TSPEAR: variants seen among roughly 807,000 people sequenced by gnomAD.
The protein encoded by TSPEAR is thrombospondin-type laminin G domain and EAR repeat-containing protein.
A neutral mutation model predicts 71.6 loss-of-function variants in TSPEAR; 69 were observed. That is an observed-to-expected ratio of 0.96 (90% CI 0.79 to 1.18). The LOEUF is 1.18. Ranked by LOEUF, TSPEAR falls within the 50% of genes most tolerant of loss-of-function variation. TSPEAR has a pLI of 0.00. For missense variants in TSPEAR, 971 were observed against 894.9 expected (o/e 1.09, Z -1.09); for synonymous variants, 402 against 387.2 (o/e 1.04, Z -0.45).
At chr21:44,517,915 T>A (rs2052630827) in intron 9 of TSPEAR, 3 of 467,336 alleles carry the variant, frequency 6.4e-6, no homozygotes, top group Non-Finnish European at 8.9e-6. Context: ...TCTTCAAGCC[T>A]TCTCTGACAA....
In TSPEAR at chr21:44,627,265, T is replaced by G. The variant is rs782010385; in HGVS notation, c.83-59260A>C. 1 of 1,612,614 alleles carries G rather than the reference T, an allele frequency of 6.2e-7. No homozygotes were observed. Among genetic ancestry groups the G allele is most frequent in the East Asian group, 2.2e-5 (1 of 44,882 alleles). ...AGAGAGCTGCTGTGAGCCCCCCTGC[T>G]GCGCCACCAGCTGCTGCGCCCCGGC... is the stretch of plus-strand genomic sequence containing the variant. On this transcript the variant is annotated intron_variant, in intron 1 of 11. Transcript: ENST00000323084.
At chr21:44,587,480 A>G (rs1292189989) in intron 1 of TSPEAR, among the ~76,000 whole-genome samples, 1 of 152,194 alleles carries the variant, frequency 6.6e-6, no homozygotes, top group Non-Finnish European at 1.5e-5. Flanking sequence ...AATTCAATGC[A>G]ATTCCCATCA....
In TSPEAR at chr21:44,531,100, T is replaced by A; in HGVS notation, c.576A>T (p.Ser192=). The A allele has an allele frequency of 6.2e-7, 1 of 1,613,804 alleles. No homozygotes were observed. Among genetic ancestry groups the A allele is most frequent in the Non-Finnish European group, 8.5e-7 (1 of 1,179,956 alleles). The change falls in exon 4 of 12, where the codon TCA becomes TCT. Residue 192 remains serine (S), a synonymous_variant. Coordinates refer to ENST00000323084, the MANE Select transcript of TSPEAR (RefSeq NM_144991.3). Reference sequence around the variant, plus strand: ...CGACGAAGAATCGAGCTCCTTTCACTGACAGGGTGGCTGGGAAGGGCACAT... The same window carrying A: ...CGACGAAGAATCGAGCTCCTTTCACAGACAGGGTGGCTGGGAAGGGCACAT... ...MADVPFPATL[S]VKGARFFVGS...
intron 1 of TSPEAR, among the ~76,000 whole-genome samples, chr21:44,680,261 T>C (rs1555947704): frequency 6.6e-6 from 1 of 152,030 alleles, no homozygotes; most frequent in Non-Finnish European, 1.5e-5. Context: ...AAAGAAGACA[T>C]ACAAATGGCC....
At chr21:44,583,295 G>A (rs1466234684) in intron 1 of TSPEAR, among the ~76,000 whole-genome samples, 1 of 152,204 alleles carries the variant, frequency 6.6e-6, no homozygotes, top group African/African-American at 2.4e-5. Context: ...TTCTGCAAGT[G>A]ACACACGTTT....
At chr21:44,584,812 C>A (rs1979235180) in intron 1 of TSPEAR, among the ~76,000 whole-genome samples, 1 of 152,172 alleles carries the variant, frequency 6.6e-6, no homozygotes. Flanking sequence ...CTTTCAATAC[C>A]ATTTCCATAT....
intron 1 of TSPEAR, among the ~76,000 whole-genome samples, chr21:44,569,804 CTG>C (rs1236198029): frequency 2.6e-5 from 4 of 152,074 alleles, no homozygotes; most frequent in Admixed American, 1.3e-4. Context: ...ATGGAGGCTG[CTG>C]TGTGTGTTTA....
At chr21:44,517,468 A>T (rs587731463) in intron 9 of TSPEAR, 1 of 276,464 alleles carries the variant, frequency 3.6e-6, no homozygotes, top group South Asian at 3.4e-5. Flanking sequence ...ACGTGAGCAC[A>T]GGTCCAGCTA....
At chr21:44,598,437 A>G (rs77318280) in intron 1 of TSPEAR, among the ~76,000 whole-genome samples, 2,901 of 152,176 alleles carry the variant, frequency 0.019, 96 homozygotes, top group African/African-American at 0.067. Flanking sequence ...ACAGACATAC[A>G]TTTGCTTTGC....
At chr21:44,680,195 AC>A (rs1555947694) in intron 1 of TSPEAR, among the ~76,000 whole-genome samples, 1 of 152,236 alleles carries the variant, frequency 6.6e-6, no homozygotes, top group Non-Finnish European at 1.5e-5. Context: ...AACAACAACA[AC>A]AAAACAAATA....
intron 1 of TSPEAR, among the ~76,000 whole-genome samples, chr21:44,576,097 A>G (rs140569743): frequency 6.6e-6 from 1 of 152,356 alleles, no homozygotes; most frequent in East Asian, 1.9e-4. Flanking sequence ...AACTATTCCA[A>G]TGGTTATAAA....
chr21:44,579,989 G>T lies in TSPEAR; in HGVS notation c.83-11984C>A, dbSNP rs782444367. The T allele has an allele frequency of 5.6e-6, 9 of 1,613,366 alleles. No individual in the cohort carries two copies. In the South Asian group the frequency reaches 9.9e-5, roughly 18 times the overall value. ...ACAGCTAGACTGCTGGCAGCATGAA[G>T]TGGAAGCCCCAGAGCAGACGGGCAC... On this transcript the variant is annotated intron_variant, in intron 1 of 11. Transcript: ENST00000323084.
chr21:44,601,594 G>A (rs371746447), intron 1 of TSPEAR: 176 of 1,612,372 alleles, frequency 1.1e-4, no homozygotes, highest in Non-Finnish European at 1.4e-4. Context: ...CTGCGTGCCC[G>A]TCCCCTCCTG....
At chr21:44,643,567 G>A (rs1397295667) in intron 1 of TSPEAR, among the ~76,000 whole-genome samples, 2 of 151,998 alleles carry the variant, frequency 1.3e-5, no homozygotes, top group Non-Finnish European at 1.5e-5. Flanking sequence ...CAATAAAGCT[G>A]GGGAAAAAGG....
intron 1 of TSPEAR, among the ~76,000 whole-genome samples, chr21:44,586,670 T>C (rs782800757): frequency 4.7e-5 from 2 of 42,360 alleles, no homozygotes; most frequent in African/African-American, 8.0e-5. Flanking sequence ...ACTTTCTTTC[T>C]CTGTAGATTT....
chr21:44,630,753 G>A (rs947238317), intron 1 of TSPEAR, among the ~76,000 whole-genome samples: 4 of 152,182 alleles, frequency 2.6e-5, no homozygotes, highest in African/African-American at 9.7e-5. Flanking sequence ...CCAACACACA[G>A]AGTCCAGCTA....
intron 1 of TSPEAR, among the ~76,000 whole-genome samples, chr21:44,660,500 C>T (rs587711126): frequency 1.3e-5 from 2 of 152,294 alleles, no homozygotes; most frequent in East Asian, 1.9e-4. Context: ...GAAAATCCGT[C>T]GACCCTATGA....
intron 2 of TSPEAR, chr21:44,558,023 C>A (rs1555920109): frequency 1.3e-6 from 2 of 1,581,610 alleles, no homozygotes; most frequent in Admixed American, 3.4e-5. Context: ...GGCCCTGGAA[C>A]AACTCTGGAG....
At chr21:44,508,561 C>T in intron 10 of TSPEAR, 1 of 1,143,446 alleles carries the variant, frequency 8.7e-7, no homozygotes. Flanking sequence ...CAGAGGACGC[C>T]CCACACTGGT....
Sources: allele counts gnomAD v4.1 joint callset (sites outside exome capture counted in the v4.1 genomes callset), GRCh38; gene constraint gnomAD v4.1.1; transcripts MANE v1.5; gene names NCBI Gene and HGNC (gene_info 2026-07-23, HGNC 2026-07-21).